CALCOCO1: variants seen among roughly 807,000 people sequenced by gnomAD.
CALCOCO1 encodes the protein calcium-binding and coiled-coil domain-containing protein 1.
CALCOCO1 carries 44 observed loss-of-function variants against 86.3 expected under a neutral mutation model. The observed-to-expected ratio is 0.51, with a 90% CI of 0.40 to 0.66. CALCOCO1 has a LOEUF of 0.66. Among genes scored for constraint, CALCOCO1 ranks in the 30% least tolerant of loss-of-function variants. CALCOCO1 has a pLI of 0.00. For missense variants in CALCOCO1, 708 were observed against 851.1 expected, an observed-to-expected ratio of 0.83 and a Z score of 2.09; for synonymous variants, 297 against 327.6, an observed-to-expected ratio of 0.91 and a Z score of 1.01.
At chr12:53,721,867 A>G (rs1032434927) in intron 5 of CALCOCO1, 158 bp downstream of exon 5, 1 of 860,744 alleles carries the variant, frequency 1.2e-6, no homozygotes, top group Non-Finnish European at 1.8e-6. Flanking sequence ...TTGTCACATC[A>G]AGTTTAATCC....
chr12:53,719,664 T>C lies in CALCOCO1; in HGVS notation c.849+75A>G, dbSNP rs1945816824. The C allele has an allele frequency of 3.1e-6, 3 of 969,634 alleles. No homozygotes were observed. In the Admixed American group the frequency reaches 5.6e-5, roughly 18 times the overall value. The allele number at this position is 969,634 out of a possible 1,614,324, so 60.1% of individuals were successfully genotyped here. On this transcript the variant is annotated intron_variant, in intron 7 of 14. Coordinates refer to ENST00000550804, the MANE Select transcript of CALCOCO1 (RefSeq NM_020898.3). ...GTCTTCTTTACATTTTTATTCCCTT[T>C]GGTGTCTGGCTCTCGAGAGGGAATC...
chr12:53,724,998 G>C, intron 2 of CALCOCO1, 89 bp downstream of exon 2: 2 of 1,348,468 alleles, frequency 1.5e-6, no homozygotes, highest in Non-Finnish European at 2.0e-6. Context: ...CTATCAACCT[G>C]AGGTTGAGAA....
chr12:53,713,707 A>G lies in CALCOCO1; in HGVS notation c.1785T>C (p.Ser595=). 6.5e-7 allele frequency: 1 copy of G among 1,541,808 alleles called. No homozygotes were observed. Among genetic ancestry groups the G allele is most frequent in the Non-Finnish European group, 8.7e-7 (1 of 1,147,734 alleles). The change falls in exon 13 of 15, where the codon TCT becomes TCC. Residue 595 remains serine (S), a synonymous_variant. Coordinates refer to ENST00000550804, the MANE Select transcript of CALCOCO1 (RefSeq NM_020898.3). ...AGGCTCCTCCACTGCTCACCGAGTC[A>G]GAGCTACTGTCCTCAGCTGGCCCAG... ...HLSGPAEDSS[S]DSEAEDEKSV...
intron 7 of CALCOCO1, among the ~76,000 whole-genome samples, chr12:53,719,399 G>C (rs1220317759): frequency 2.0e-5 from 3 of 151,998 alleles, no homozygotes. Context: ...GGTGGCACAT[G>C]GCTGTAATCC....
intron 9 of CALCOCO1, 145 bp from the exon 10 acceptor site, chr12:53,715,470 C>T (rs1312463647): frequency 2.7e-6 from 3 of 1,116,920 alleles, no homozygotes; most frequent in East Asian, 2.5e-5. Context: ...CCTTCATTTC[C>T]TATACCCTCT....
At chr12:53,714,334 C>T in intron 11 of CALCOCO1, 93 bp from the exon 12 acceptor site, 2 of 954,546 alleles carry the variant, frequency 2.1e-6, no homozygotes, top group South Asian at 1.5e-5. Flanking sequence ...GAACTCTTAG[C>T]TCCTCAGCAT....
chr12:53,723,451 C>T, intron 4 of CALCOCO1, 142 bp downstream of exon 4: 1 of 808,170 alleles, frequency 1.2e-6, no homozygotes, highest in South Asian at 1.6e-5. Context: ...CTGAGACTCT[C>T]CTGGAGGCAG....
Position 53,712,086 on chromosome 12 carries a change from G to A in CALCOCO1, c.1934C>T (p.Thr645Ile), listed in dbSNP as rs747133419. 7.5e-6 allele frequency: 12 copies of A among 1,609,740 alleles called. No homozygotes were observed. The East Asian group carries it at 2.5e-4, about 33-fold the overall frequency. Residue 645 changes from threonine (T) to isoleucine (I), a missense_variant, in exon 15 of 15, where the codon ACT (threonine) becomes ATT (isoleucine). Coordinates refer to ENST00000550804, the MANE Select transcript of CALCOCO1 (RefSeq NM_020898.3). ...CCATGTGGGGGTGGCAGGGCCCCCA[G>A]TGCTGGTTTCTGACAGGGTACCCAC... ...FTVGTLSETS[T>I]GGPATPTWKE...
intron 6 of CALCOCO1, among the ~76,000 whole-genome samples, chr12:53,720,094 G>T (rs1245444423): frequency 6.6e-6 from 1 of 152,170 alleles, no homozygotes; most frequent in Non-Finnish European, 1.5e-5. Flanking sequence ...GGCTCCCATT[G>T]TTTTCACTCA....
chr12:53,724,835 G>A lies in CALCOCO1; in HGVS notation c.157-88C>T. 7.7e-6 allele frequency: 8 copies of A among 1,033,372 alleles called. No homozygotes were observed. In the South Asian group the frequency reaches 1.2e-4, roughly 15 times the overall value. 64.0% of individuals were successfully genotyped at this position (1,033,372 alleles called of 1,614,324 possible). ...AGGGCTGAGGGGTTGAATAAGGGGG[G>A]CAGGATGGAGCTACAGTGGCAACAA... On this transcript the variant is annotated intron_variant, in intron 2 of 14. Coordinates refer to ENST00000550804, the MANE Select transcript of CALCOCO1 (RefSeq NM_020898.3).
intron 7 of CALCOCO1, among the ~76,000 whole-genome samples, chr12:53,716,975 G>T (rs1945743239): frequency 6.6e-6 from 1 of 152,174 alleles, no homozygotes; most frequent in African/African-American, 2.4e-5. Context: ...TTCTTGCTTG[G>T]ACTACTGAAT....
Position 53,719,818 on chromosome 12 carries a change from G to C in CALCOCO1, c.770C>G (p.Thr257Arg). 1 of 1,612,684 alleles carries C rather than the reference G, an allele frequency of 6.2e-7. No homozygotes were observed. The highest frequency in any genetic ancestry group is 2.2e-5 in the East Asian group (1 of 44,836). ...KEVELDRLRD[T>R]VKALTREQEK... ...TTGTTCCCGAGTCAGGGCCTTCACT[G>C]TGTCTCTAAGCCTGTGATTGGTGGG... The change falls in exon 7 of 15, where the codon ACA becomes AGA. Residue 257 changes from threonine to arginine, a missense_variant. Physicochemically the swap from Thr to Arg is moderately conservative, Grantham distance 71. Transcript: ENST00000550804.
rs1038918167 is a variant in CALCOCO1 at position 53,713,982 on chromosome 12, A to G, written c.1592-82T>C. On this transcript the variant is annotated intron_variant, in intron 12 of 14. Transcript: ENST00000550804. ...CAGCTGTCTCCTCTGGATGAGGGGT[A>G]TCATTAGACTAAACAGGGGCCAGGG... 6 of 1,336,670 alleles carry G rather than the reference A, an allele frequency of 4.5e-6. No homozygotes were observed. The Admixed American group carries it at 7.8e-5, about 17-fold the overall frequency. 82.8% of individuals were successfully genotyped at this position (1,336,670 alleles called of 1,614,324 possible).
chr12:53,713,007 G>A (rs573734014), intron 14 of CALCOCO1, 93 bp downstream of exon 14: 1 of 1,328,028 alleles, frequency 7.5e-7, no homozygotes, highest in Non-Finnish European at 1.1e-6. Flanking sequence ...AGAAGGGCAG[G>A]GGTTGGGAGC....
chr12:53,712,390 G>A (rs1291175594), intron 14 of CALCOCO1: 8 of 391,210 alleles, frequency 2.0e-5, no homozygotes, highest in South Asian at 4.4e-5. Context: ...CTCCATCTCC[G>A]TCTGCTGCCT....
intron 9 of CALCOCO1, chr12:53,715,547 G>C: frequency 4.1e-6 from 3 of 731,710 alleles, no homozygotes; most frequent in Non-Finnish European, 6.6e-6. Context: ...CAGGGCCTGG[G>C]GTCTAGGACA....
intron 7 of CALCOCO1, among the ~76,000 whole-genome samples, chr12:53,718,843 T>A (rs1245497757): frequency 4.5e-5 from 6 of 133,140 alleles, no homozygotes; most frequent in Admixed American, 2.9e-4. Context: ...GCCCTCCCTT[T>A]TTTTTTTTTT....
chr12:53,714,173 C>A lies in CALCOCO1; in HGVS notation c.1551G>T (p.Glu517Asp). 6.2e-7 allele frequency: 1 copy of A among 1,613,614 alleles called. No homozygotes were observed. The highest frequency in any genetic ancestry group is 8.5e-7 in the Non-Finnish European group (1 of 1,179,944). Residue 517 changes from glutamate to aspartate, a missense_variant, in exon 12 of 15, where the codon GAG becomes GAT. Glu to Asp is a conservative substitution (Grantham distance 45). Coordinates refer to ENST00000550804, the MANE Select transcript of CALCOCO1 (RefSeq NM_020898.3). ...LEKVADEKWN[E>D]DATTEDEEAA... Reference sequence around the variant, plus strand: ...CCTCCTCATCCTCTGTGGTGGCATCCTCATTCCACTTCTCATCTGCCACCT... The same window carrying A: ...CCTCCTCATCCTCTGTGGTGGCATCATCATTCCACTTCTCATCTGCCACCT...
In CALCOCO1 at chr12:53,723,693, T is replaced by G. The variant is rs1418457595; in HGVS notation, c.350A>C (p.Gln117Pro). The G allele has an allele frequency of 5.6e-6, 9 of 1,614,184 alleles. No homozygotes were observed. Among genetic ancestry groups the G allele is most frequent in the Non-Finnish European group, 7.6e-6 (9 of 1,180,026 alleles). The change falls in exon 4 of 15, where the codon CAG becomes CCG. Residue 117 changes from glutamine (Q) to proline (P), a missense_variant. Gln to Pro is a moderately conservative substitution (Grantham distance 76). Coordinates refer to ENST00000550804, the MANE Select transcript of CALCOCO1 (RefSeq NM_020898.3). ...ATCCATGGGCCTTGGCTCTCGGAAC[T>G]GGAAAGGGGGGCTCTGCCCACACAC... ...GQVCGQSPPFQFREPRPMDEL... is the reference protein window; with the variant it reads ...GQVCGQSPPFPFREPRPMDEL...
Sources: allele counts gnomAD v4.1 joint callset (sites outside exome capture counted in the v4.1 genomes callset), GRCh38; gene constraint gnomAD v4.1.1; transcripts MANE v1.5; gene names NCBI Gene and HGNC (gene_info 2026-07-23, HGNC 2026-07-21).